Variants in GLIS3 observed in about 807,000 individuals in gnomAD.
GLIS3 encodes the protein zinc finger protein GLIS3.
In GLIS3, 53 loss-of-function variants were observed where a neutral mutation model predicts 78.6. That is an observed-to-expected ratio of 0.67 (90% CI 0.54 to 0.85). The LOEUF is 0.85. GLIS3 is among the 40% of genes least tolerant of loss of function. The pLI is 0.00. For missense variants in GLIS3, 1,703 were observed against 1,231.1 expected, an observed-to-expected ratio of 1.38 and a Z score of -5.74; for synonymous variants, 684 against 509.9, an observed-to-expected ratio of 1.34 and a Z score of -4.60.
Position 3,957,353 on chromosome 9 carries a change from T to C in GLIS3, c.1711-20164A>G, listed in dbSNP as rs149051516. ...AATGTCTTTGCTTTCACCTTTATAA[T>C]TGGCACATTTAAAAGAAGATTTTAA... On this transcript the variant is annotated intron_variant, in intron 4 of 10. Coordinates refer to ENST00000381971, the MANE Select transcript of GLIS3 (RefSeq NM_001042413.2). Among the ~76,000 whole-genome samples, 369 of 152,346 alleles carry C rather than the reference T, an allele frequency of 2.4e-3. 1 individual carries two copies. Among genetic ancestry groups the C allele is most frequent in the African/African-American group, 7.8e-3 (324 of 41,578 alleles).
intron 2 of GLIS3, among the ~76,000 whole-genome samples, chr9:4,159,654 G>T (rs1259862751): frequency 6.6e-6 from 1 of 152,058 alleles, no homozygotes; most frequent in Admixed American, 6.5e-5. Flanking sequence ...GGGAGGCAGA[G>T]GTTGCAGTGA....
intron 2 of GLIS3, among the ~76,000 whole-genome samples, chr9:4,346,113 A>T (rs1413585790): frequency 2.0e-5 from 3 of 152,238 alleles, no homozygotes; most frequent in Non-Finnish European, 4.4e-5. Flanking sequence ...ACATCCATTG[A>T]AAGAAAGACA....
chr9:4,404,546 T>C, the GLIS3 span, among the ~76,000 whole-genome samples: 7 of 152,286 alleles, frequency 4.6e-5, no homozygotes, highest in African/African-American at 1.7e-4. Flanking sequence ...GAATAAAACT[T>C]GAAATCAGTA....
At chr9:4,113,658 C>A (rs1831404388) in intron 4 of GLIS3, among the ~76,000 whole-genome samples, 1 of 152,152 alleles carries the variant, frequency 6.6e-6, no homozygotes, top group African/African-American at 2.4e-5. Context: ...CCACAGCTTA[C>A]AATAAATTTA....
the GLIS3 span, among the ~76,000 whole-genome samples, chr9:4,460,830 T>C: frequency 5.0e-4 from 76 of 152,326 alleles, no homozygotes; most frequent in African/African-American, 1.2e-3. Context: ...CTGGAGTGTT[T>C]TTAATATAAA....
At chr9:4,014,220 C>T (rs1227052779) in intron 4 of GLIS3, among the ~76,000 whole-genome samples, 1 of 152,056 alleles carries the variant, frequency 6.6e-6, no homozygotes, top group Non-Finnish European at 1.5e-5. Context: ...AGAATGGGGC[C>T]TTGAATATGG....
At chr9:4,378,953 A>G in the GLIS3 span, among the ~76,000 whole-genome samples, 2 of 152,212 alleles carry the variant, frequency 1.3e-5, no homozygotes, top group Non-Finnish European at 1.5e-5. Context: ...ATTGAGGCCA[A>G]GTGTTTTGGG....
the GLIS3 span, among the ~76,000 whole-genome samples, chr9:4,364,756 C>CTTTTTTTTTTTTT: frequency 1.3e-4 from 8 of 61,100 alleles, no homozygotes; most frequent in East Asian, 6.0e-4. Flanking sequence ...TCATGTATTG[C>CTTTTTTTTTTTTT]TTTTTTTTTT....
At chr9:4,172,481 G>T (rs868610640) in intron 2 of GLIS3, among the ~76,000 whole-genome samples, 1 of 152,082 alleles carries the variant, frequency 6.6e-6, no homozygotes, top group South Asian at 2.1e-4. Context: ...AAATCCAAAC[G>T]TACAGTATTT....
chr9:4,299,252 A>C (rs928681869), intron 1 of GLIS3, 169 bp downstream of exon 1: 25 of 152,098 alleles, frequency 1.6e-4, no homozygotes, highest in African/African-American at 6.0e-4. Context: ...TGACGCCGGG[A>C]GTTGAGGTGC....
At chr9:4,139,549 A>C (rs1833649837) in intron 2 of GLIS3, among the ~76,000 whole-genome samples, 1 of 152,124 alleles carries the variant, frequency 6.6e-6, no homozygotes, top group Non-Finnish European at 1.5e-5. Context: ...CTCCTGTTAC[A>C]TACAGATACA....
intron 2 of GLIS3, among the ~76,000 whole-genome samples, chr9:4,134,623 T>A (rs2130953303): frequency 6.6e-6 from 1 of 152,340 alleles, no homozygotes; most frequent in Middle Eastern, 3.4e-3. Flanking sequence ...TTTTTGTTAA[T>A]GTTATTGTCA....
chr9:3,849,814 CAGG>C (rs1819306860), intron 9 of GLIS3, among the ~76,000 whole-genome samples: 1 of 151,858 alleles, frequency 6.6e-6, no homozygotes, highest in African/African-American at 2.4e-5. Flanking sequence ...GAGGCTGAGG[CAGG>C]AGAATAGCTG....
chr9:4,063,815 A>G (rs1826854465), intron 4 of GLIS3, among the ~76,000 whole-genome samples: 1 of 152,172 alleles, frequency 6.6e-6, no homozygotes, highest in Non-Finnish European at 1.5e-5. Flanking sequence ...ACCTCTACAC[A>G]CTACCAACTA....
At chr9:4,140,724 A>G (rs1195864229) in intron 2 of GLIS3, among the ~76,000 whole-genome samples, 2 of 151,902 alleles carry the variant, frequency 1.3e-5, no homozygotes, top group African/African-American at 4.8e-5. Context: ...TCAGCGAGCT[A>G]TTATTTGTAT....
At chr9:3,994,876 A>G (rs969901262) in intron 4 of GLIS3, among the ~76,000 whole-genome samples, 1 of 151,740 alleles carries the variant, frequency 6.6e-6, no homozygotes, top group Non-Finnish European at 1.5e-5. Flanking sequence ...CCTACAGATA[A>G]AGTGAGGGAA....
At chr9:3,996,831 G>A (rs1304414499) in intron 4 of GLIS3, among the ~76,000 whole-genome samples, 1 of 151,822 alleles carries the variant, frequency 6.6e-6, no homozygotes, top group Non-Finnish European at 1.5e-5. Flanking sequence ...AATAATAATA[G>A]GAATGAAAGG....
intron 4 of GLIS3, among the ~76,000 whole-genome samples, chr9:4,028,218 C>T (rs1588485325): frequency 6.6e-6 from 1 of 152,148 alleles, no homozygotes; most frequent in East Asian, 1.9e-4. Context: ...ATTTTCTGGG[C>T]CTCAGTTTCT....
the GLIS3 span, among the ~76,000 whole-genome samples, chr9:4,443,788 A>G: frequency 6.6e-6 from 1 of 152,260 alleles, no homozygotes; most frequent in African/African-American, 2.4e-5. Flanking sequence ...AGATTGCCCC[A>G]GGAACCTAGA....
Sources: allele counts gnomAD v4.1 joint callset (sites outside exome capture counted in the v4.1 genomes callset), GRCh38; gene constraint gnomAD v4.1.1; transcripts MANE v1.5; gene names NCBI Gene and HGNC (gene_info 2026-07-23, HGNC 2026-07-21).